PIGA: variants seen among roughly 807,000 people sequenced by gnomAD.
PIGA encodes the protein phosphatidylinositol glycan anchor biosynthesis class A.
PIGA carries 3 observed loss-of-function variants against 17.1 expected under a neutral mutation model. The ratio of observed to expected loss-of-function variants is 0.18; its 90% CI spans 0.08 to 0.45. The LOEUF is 0.45. PIGA is among the 20% of genes least tolerant of loss of function. PIGA has a pLI of 0.99. For missense variants in PIGA, 231 were observed against 374.1 expected, an observed-to-expected ratio of 0.62 and a Z score of 3.16; for synonymous variants, 126 against 135.1, an observed-to-expected ratio of 0.93 and a Z score of 0.47.
chrX:15,331,426 T>C lies in PIGA; in HGVS notation c.505A>G (p.Lys169Glu), dbSNP rs772695695. The change falls in exon 2 of 6, where the codon AAG (lysine) becomes GAG (glutamate). Residue 169 changes from lysine (K) to glutamate (E), a missense_variant. Lys to Glu is a moderately conservative substitution (Grantham distance 56, BLOSUM62 1). Coordinates refer to ENST00000333590, the MANE Select transcript of PIGA (RefSeq NM_002641.4). The part of the protein sequence containing the change: ...FADVSSVLTN[K>E]LLTVSLCDTN... ...TCACAAAGAGACACGGTTAGAAGCT[T>C]GTTTGTAAGCACCGAGCTGACATCA... is the stretch of plus-strand genomic sequence containing the variant. 1 of 1,210,990 alleles carries C rather than the reference T, an allele frequency of 8.3e-7. No individual in the cohort carries two copies. The highest frequency in any genetic ancestry group is 3.0e-5 in the East Asian group (1 of 33,860).
chrX:15,323,686 G>A (rs1921884929), intron 5 of PIGA, among the ~76,000 whole-genome samples: 1 of 111,913 alleles, frequency 8.9e-6, no homozygotes, highest in Non-Finnish European at 1.9e-5. Flanking sequence ...TCACATATGA[G>A]TTCATCTTAT....
intron 2 of PIGA, among the ~76,000 whole-genome samples, chrX:15,330,484 G>A (rs1039490267): frequency 5.3e-5 from 6 of 112,592 alleles, no homozygotes; most frequent in Admixed American, 1.9e-4. Context: ...GAATAATACA[G>A]TTACAGCTGA....
chrX:15,331,405 A>G lies in PIGA; in HGVS notation c.526T>C (p.Cys176Arg), dbSNP rs371466959. The change falls in exon 2 of 6, where the codon TGT becomes CGT. Residue 176 changes from cysteine to arginine, a missense_variant. Physicochemically the swap from Cys to Arg is radical, Grantham distance 180. Transcript: ENST00000333590. The part of the protein sequence containing the change: ...LTNKLLTVSL[C>R]DTNHIICVSY... The stretch of plus-strand genomic sequence containing the variant: ...ACACAAATGATGTGGTTTGTATCAC[A>G]AAGAGACACGGTTAGAAGCTTGTTT... 1 of 1,209,470 alleles carries G rather than the reference A, an allele frequency of 8.3e-7. No homozygotes were observed. Among genetic ancestry groups the G allele is most frequent in the East Asian group, 3.0e-5 (1 of 33,803 alleles).
Position 15,319,542 on chromosome X carries a change from CAA to C in PIGA, c.*1962_*1963del, listed in dbSNP as rs1192336295. 1 of 111,839 alleles carries C rather than the reference CAA, an allele frequency of 8.9e-6. No individual in the cohort carries two copies. Among genetic ancestry groups the C allele is most frequent in the Non-Finnish European group, 1.9e-5 (1 of 53,182 alleles). The allele number at this position is 111,839 out of a possible 1,213,427, so 9.2% of individuals were successfully genotyped here. ...TTTCATAGGCAACCTTTTGAAACATCAAAAGAAATACAATATATTTTTCACAA... is the reference window on the plus strand; with the variant it reads ...TTTCATAGGCAACCTTTTGAAACATCAAGAAATACAATATATTTTTCACAA... On this transcript the variant is annotated 3_prime_UTR_variant, in exon 6 of 6. Coordinates refer to ENST00000333590, the MANE Select transcript of PIGA (RefSeq NM_002641.4).
Position 15,321,174 on chromosome X carries a change from G to T in PIGA, c.*332C>A, listed in dbSNP as rs1921797760. 1.3e-5 allele frequency: 2 copies of T among 156,111 alleles called. No homozygotes were observed. The highest frequency in any genetic ancestry group is 2.5e-5 in the Non-Finnish European group (2 of 80,972). 12.9% of individuals were successfully genotyped at this position (156,111 alleles called of 1,213,427 possible). On this transcript the variant is annotated 3_prime_UTR_variant, in exon 6 of 6. Transcript: ENST00000333590. ...TTACATTAAAAACTGGCCAAAAAAT[G>T]CCCAGAAAACGTTTGGCCCTTCAGC...
At chrX:15,334,426 G>A (rs1922269236) in intron 1 of PIGA, among the ~76,000 whole-genome samples, 1 of 110,430 alleles carries the variant, frequency 9.1e-6, no homozygotes, top group South Asian at 3.8e-4. Flanking sequence ...CTGACCTCAG[G>A]TGATCCACCA....
At chrX:15,323,185 G>A (rs959605260) in intron 5 of PIGA, among the ~76,000 whole-genome samples, 3 of 111,421 alleles carry the variant, frequency 2.7e-5, no homozygotes, top group Admixed American at 9.5e-5. Flanking sequence ...CTGACAAACC[G>A]TCACCACAGT....
At chrX:15,325,753 T>C in intron 3 of PIGA, 161 bp downstream of exon 3, 1 of 331,683 alleles carries the variant, frequency 3.0e-6, no homozygotes, top group Non-Finnish European at 5.2e-6. Context: ...TTCCTATTTA[T>C]ATAAAAATTT....
intron 5 of PIGA, 82 bp downstream of exon 5, chrX:15,324,583 C>T (rs1921913753): frequency 4.3e-6 from 3 of 697,937 alleles, no homozygotes; most frequent in Non-Finnish European, 6.6e-6. Context: ...AAATGGTAAA[C>T]ATCTATGTAA....
chrX:15,335,419 C>T (rs1023060216), intron 1 of PIGA, 82 bp downstream of exon 1: 1 of 907,093 alleles, frequency 1.1e-6, no homozygotes, highest in African/African-American at 2.1e-5. Flanking sequence ...CTCCACCACC[C>T]GCCACGATCC....
At chrX:15,323,206 T>C (rs1921867728) in intron 5 of PIGA, among the ~76,000 whole-genome samples, 1 of 111,881 alleles carries the variant, frequency 8.9e-6, no homozygotes, top group Non-Finnish European at 1.9e-5. Flanking sequence ...TCTTTCCCTG[T>C]TAACTTATTA....
intron 2 of PIGA, among the ~76,000 whole-genome samples, chrX:15,329,305 T>C (rs890771635): frequency 4.5e-5 from 5 of 111,910 alleles, no homozygotes; most frequent in Admixed American, 9.5e-5. Flanking sequence ...GTTTGAAAAA[T>C]CCAATAAAGG....
chrX:15,331,132 CCAAA>C, intron 2 of PIGA, 80 bp downstream of exon 2: 3 of 622,517 alleles, frequency 4.8e-6, no homozygotes, highest in East Asian at 3.5e-5. Flanking sequence ...AAATGAAAAG[CCAAA>C]CAATCATTAT....
chrX:15,324,747 C>T lies in PIGA; in HGVS notation c.1106G>A (p.Gly369Glu). The part of the protein sequence containing the change: ...LEKAIFQLKS[G>E]TLPAPENIHN... ...GATGTTTTCTGGAGCTGGCAATGTC[C>T]CTGACTTCAGTTGGAAAATAGCCTT... Residue 369 changes from glycine to glutamate, a missense_variant, in exon 5 of 6, where the codon GGG becomes GAG. Coordinates refer to ENST00000333590, the MANE Select transcript of PIGA (RefSeq NM_002641.4). 8.3e-7 allele frequency: 1 copy of T among 1,207,264 alleles called. No individual in the cohort carries two copies. Among genetic ancestry groups the T allele is most frequent in the Non-Finnish European group, 1.1e-6 (1 of 891,602 alleles).
At chrX:15,321,810 A>G in intron 5 of PIGA, 38 bp from the exon 6 acceptor site, 4 of 1,119,928 alleles carry the variant, frequency 3.6e-6, no homozygotes, top group Non-Finnish European at 4.9e-6. Context: ...ACTTTCACCC[A>G]TCACCCCATC....
Position 15,321,762 on chromosome X carries a change from C to T in PIGA, c.1199G>A (p.Arg400Gln), listed in dbSNP as rs1921825509. ...TGGCAACACAGCTTCCACTGATACC[C>T]GGTCATATACCTGGAGGGAGAGAAG... ...VAERTEKVYD[R>Q]VSVEAVLPMD... is the part of the protein sequence containing the mutation. Residue 400 changes from arginine (R) to glutamine (Q), a missense_variant, in exon 6 of 6, where the codon CGG (arginine) becomes CAG (glutamine). By Grantham distance (43) the Arg-to-Gln change is conservative. Coordinates refer to ENST00000333590, the MANE Select transcript of PIGA (RefSeq NM_002641.4). 15 of 1,207,826 alleles carry T rather than the reference C, an allele frequency of 1.2e-5. No individual in the cohort carries two copies. The highest frequency in any genetic ancestry group is 4.6e-4 in the Middle Eastern group (2 of 4,368).
intron 1 of PIGA, among the ~76,000 whole-genome samples, chrX:15,333,452 G>T (rs894865006): frequency 3.4e-4 from 38 of 111,722 alleles, no homozygotes; most frequent in Non-Finnish European, 6.0e-4. Context: ...AGGCTGAGGT[G>T]GGTGGATCAC....
At chrX:15,330,605 C>CT (rs759324105) in intron 2 of PIGA, among the ~76,000 whole-genome samples, 1,629 of 108,567 alleles carry the variant, frequency 0.015, 34 homozygotes, top group African/African-American at 0.047. Flanking sequence ...CCCTTTACTT[C>CT]TTTTTTTTTT....
chrX:15,325,192 T>C (rs1921934794), intron 3 of PIGA, 40 bp from the exon 4 acceptor site: 1 of 1,122,548 alleles, frequency 8.9e-7, no homozygotes, highest in Non-Finnish European at 1.2e-6. Context: ...GAGTGAAAAC[T>C]CATGCTACAA....
Sources: gnomAD v4.1 joint callset for allele counts (sites outside exome capture counted in the v4.1 genomes callset) on GRCh38, gnomAD v4.1.1 for gene constraint, MANE v1.5 for transcripts, NCBI Gene and HGNC (gene_info 2026-07-23, HGNC 2026-07-21) for gene names.